EPHA6: variants seen among roughly 807,000 people sequenced by gnomAD.
EPHA6 encodes EPH receptor A6.
A neutral mutation model predicts 112.0 loss-of-function variants in EPHA6; 50 were observed. The observed-to-expected ratio is 0.45, with a 90% CI of 0.36 to 0.56. EPHA6 has a LOEUF of 0.56. Ranked by LOEUF, EPHA6 falls within the 20% of genes least tolerant of loss-of-function variation. EPHA6 has a pLI of 0.00. For missense variants in EPHA6, 1,280 were observed against 1,417.4 expected, an observed-to-expected ratio of 0.90 and a Z score of 1.56; for synonymous variants, 529 against 490.7, an observed-to-expected ratio of 1.08 and a Z score of -1.03.
At chr3:97,003,330 A>G (rs2043743052) in intron 3 of EPHA6, among the ~76,000 whole-genome samples, 1 of 151,996 alleles carries the variant, frequency 6.6e-6, no homozygotes, top group African/African-American at 2.4e-5. Context: ...CTGGTCTCGA[A>G]CTCCTGACCT....
intron 11 of EPHA6, among the ~76,000 whole-genome samples, chr3:97,565,625 A>G (rs1319106147): frequency 1.3e-5 from 2 of 152,246 alleles, no homozygotes; most frequent in Non-Finnish European, 2.9e-5. Context: ...GAGTCTTGAT[A>G]GAATCTACCA....
chr3:97,625,102 T>C (rs1361261832), intron 13 of EPHA6, among the ~76,000 whole-genome samples: 1 of 151,656 alleles, frequency 6.6e-6, no homozygotes, highest in African/African-American at 2.4e-5. Context: ...TTTTAGTTTG[T>C]TCTTCTCTTG....
chr3:97,442,043 G>T (rs2090155697), intron 6 of EPHA6, among the ~76,000 whole-genome samples: 1 of 151,936 alleles, frequency 6.6e-6, no homozygotes. Flanking sequence ...TCTCCAACTA[G>T]CTTTAAAAAA....
chr3:97,685,854 A>G (rs2032207359), intron 14 of EPHA6, among the ~76,000 whole-genome samples: 1 of 152,202 alleles, frequency 6.6e-6, no homozygotes, highest in Admixed American at 6.6e-5. Flanking sequence ...AACTAGCCAA[A>G]GATTACACAA....
chr3:97,690,783 ATTGAGCTATT>A (rs2032613483), intron 14 of EPHA6, among the ~76,000 whole-genome samples: 1 of 152,032 alleles, frequency 6.6e-6, no homozygotes. Context: ...CATTTTTTAA[ATTGAGCTATT>A]TGTCTTTTTA....
intron 5 of EPHA6, among the ~76,000 whole-genome samples, chr3:97,389,523 G>T (rs1276417831): frequency 6.6e-6 from 1 of 151,784 alleles, no homozygotes; most frequent in African/African-American, 2.4e-5. Context: ...TATCATAATT[G>T]TAAGAAAACA....
intron 5 of EPHA6, among the ~76,000 whole-genome samples, chr3:97,342,438 GA>G (rs1157880670): frequency 5.3e-5 from 8 of 152,272 alleles, no homozygotes; most frequent in African/African-American, 1.7e-4. Context: ...GGCAGCCAGT[GA>G]TTTGATTTTT....
At chr3:97,185,004 C>G (rs1576638562) in intron 3 of EPHA6, among the ~76,000 whole-genome samples, 1 of 152,164 alleles carries the variant, frequency 6.6e-6, no homozygotes, top group African/African-American at 2.4e-5. Context: ...GGAAAACTGG[C>G]TAGCCATAGG....
chr3:97,190,409 C>A (rs2077270169), intron 3 of EPHA6, among the ~76,000 whole-genome samples: 2 of 152,014 alleles, frequency 1.3e-5, no homozygotes, highest in Non-Finnish European at 2.9e-5. Flanking sequence ...AACTTCTTTA[C>A]CCCTTAAGTG....
At chr3:97,423,716 AAG>A (rs2088867530) in intron 6 of EPHA6, among the ~76,000 whole-genome samples, 1 of 152,196 alleles carries the variant, frequency 6.6e-6, no homozygotes, top group South Asian at 2.1e-4. Context: ...CCTAAGAAAA[AAG>A]AACAAAGCTG....
In EPHA6 at chr3:97,592,779, G is replaced by A. The variant is rs753429535; in HGVS notation, c.2512+42G>A. The A allele has an allele frequency of 2.0e-6, 3 of 1,523,370 alleles. No individual in the cohort carries two copies. The East Asian group carries it at 7.0e-5, about 35-fold the overall frequency. 94.4% of individuals were successfully genotyped at this position (1,523,370 alleles called of 1,614,324 possible). The stretch of plus-strand genomic sequence containing the variant: ...AAGTTTTCTGCCACCATATACAGCA[G>A]TAGGATTGTGCTCATAGTTGATAGG... On this transcript the variant is annotated intron_variant, in intron 12 of 17. Transcript: ENST00000389672.
intron 13 of EPHA6, among the ~76,000 whole-genome samples, chr3:97,620,253 A>G (rs2093802783): frequency 6.6e-6 from 1 of 152,128 alleles, no homozygotes; most frequent in African/African-American, 2.4e-5. Context: ...CTTACACCAT[A>G]TACAGAAATT....
chr3:97,090,366 C>G (rs1315876508), intron 3 of EPHA6, among the ~76,000 whole-genome samples: 1 of 151,994 alleles, frequency 6.6e-6, no homozygotes, highest in Non-Finnish European at 1.5e-5. Flanking sequence ...TATACATTTA[C>G]TTGTAGATCA....
At chr3:97,113,992 G>C (rs2047806025) in intron 3 of EPHA6, among the ~76,000 whole-genome samples, 2 of 152,106 alleles carry the variant, frequency 1.3e-5, no homozygotes, top group Admixed American at 1.3e-4. Flanking sequence ...TTTGCTTGGG[G>C]TATCTTGGGA....
chr3:97,634,385 G>A (rs192800164), intron 13 of EPHA6, among the ~76,000 whole-genome samples: 146 of 149,408 alleles, frequency 9.8e-4, no homozygotes, highest in Middle Eastern at 3.4e-3. Flanking sequence ...TTTTCTTTTC[G>A]TCAAGCCCAC....
intron 2 of EPHA6, among the ~76,000 whole-genome samples, chr3:96,919,444 C>A (rs2039650518): frequency 6.6e-6 from 1 of 151,772 alleles, no homozygotes; most frequent in Non-Finnish European, 1.5e-5. Flanking sequence ...CATAGAAATT[C>A]ATAAAAGTAC....
intron 14 of EPHA6, among the ~76,000 whole-genome samples, chr3:97,645,684 T>G (rs2094054476): frequency 6.6e-6 from 1 of 151,930 alleles, no homozygotes; most frequent in South Asian, 2.1e-4. Flanking sequence ...AAGAAAAGGA[T>G]TCTTTGTTTT....
At chr3:97,149,520 CCTT>C (rs1157222066) in intron 3 of EPHA6, among the ~76,000 whole-genome samples, 2 of 151,858 alleles carry the variant, frequency 1.3e-5, no homozygotes, top group East Asian at 1.9e-4. Context: ...CTGAATGTGA[CCTT>C]ATTATTTTTT....
At chr3:97,442,710 T>A (rs1394856767) in intron 6 of EPHA6, among the ~76,000 whole-genome samples, 9 of 152,140 alleles carry the variant, frequency 5.9e-5, no homozygotes, top group Admixed American at 5.2e-4. Context: ...ATCAGAAGAT[T>A]GCAACATTAA....
Sources: gnomAD v4.1 joint callset for allele counts (sites outside exome capture counted in the v4.1 genomes callset) on GRCh38, gnomAD v4.1.1 for gene constraint, MANE v1.5 for transcripts, NCBI Gene and HGNC (gene_info 2026-07-23, HGNC 2026-07-21) for gene names.